SART3: variants seen among roughly 807,000 people sequenced by gnomAD.
SART3 encodes HIV-1 Tat-interacting protein of 110kDa.
A neutral mutation model predicts 122.3 loss-of-function variants in SART3; 44 were observed. The observed-to-expected ratio is 0.36, with a 90% CI of 0.28 to 0.46. SART3 has a LOEUF of 0.46. Ranked by LOEUF, SART3 falls within the 20% of genes least tolerant of loss-of-function variation. The probability of loss-of-function intolerance (pLI) is 1.00; values close to 1 mark genes in which losing one functional copy is unlikely to be tolerated. For synonymous variants in SART3, 442 were observed against 454.0 expected (o/e 0.97, Z 0.34); for missense variants, 1,101 against 1,229.0 (o/e 0.90, Z 1.56).
At chr12:108,550,115 T>G (rs1453606360) in intron 1 of SART3, among the ~76,000 whole-genome samples, 1 of 152,134 alleles carries the variant, frequency 6.6e-6, no homozygotes, top group Non-Finnish European at 1.5e-5. Context: ...ACATAAAGTT[T>G]TATTTGTACA....
At chr12:108,537,695 G>C in intron 8 of SART3, 100 bp from the exon 9 acceptor site, 1 of 869,824 alleles carries the variant, frequency 1.1e-6, no homozygotes, top group Non-Finnish European at 1.9e-6. Context: ...TGACTTTAAA[G>C]ACTAATAGAT....
At chr12:108,531,070 A>C in intron 14 of SART3, 134 bp downstream of exon 14, 1 of 690,030 alleles carries the variant, frequency 1.4e-6, no homozygotes, top group Non-Finnish European at 2.6e-6. Context: ...TTAAGCATTG[A>C]TCTAAATATT....
intron 14 of SART3, 51 bp downstream of exon 14, chr12:108,531,153 T>G: frequency 2.1e-6 from 3 of 1,454,854 alleles, no homozygotes; most frequent in Non-Finnish European, 2.9e-6. Context: ...CATACCAAAC[T>G]GAGCCAAAAT....
intron 15 of SART3, 130 bp from the exon 16 acceptor site, chr12:108,526,683 G>C: frequency 2.1e-6 from 2 of 966,622 alleles, no homozygotes; most frequent in South Asian, 2.7e-5. Flanking sequence ...GACTCGGAGG[G>C]GCAAGCACCA....
intron 15 of SART3, among the ~76,000 whole-genome samples, chr12:108,527,766 T>G (rs1217441445): frequency 6.6e-6 from 1 of 152,202 alleles, no homozygotes; most frequent in Non-Finnish European, 1.5e-5. Context: ...ATTCTTTTTT[T>G]TGTTTTGTTT....
At chr12:108,535,509 T>C (rs765426227) in intron 11 of SART3, 41 bp from the exon 12 acceptor site, 90 of 1,488,718 alleles carry the variant, frequency 6.0e-5, no homozygotes, top group Non-Finnish European at 7.3e-5. Context: ...CTGAACCTTA[T>C]GACGTCGACA....
chr12:108,527,650 T>C (rs1380948493), intron 15 of SART3, among the ~76,000 whole-genome samples: 2 of 152,206 alleles, frequency 1.3e-5, no homozygotes, highest in Non-Finnish European at 2.9e-5. Context: ...CCAAACAAGG[T>C]GTGCAAGCAA....
Position 108,537,844 on chromosome 12 carries a change from CACT to C in SART3, c.1201+218_1201+220del, listed in dbSNP as rs571300106. 24 of 690,130 alleles carry C rather than the reference CACT, an allele frequency of 3.5e-5. No individual in the cohort carries two copies. In the East Asian group the frequency reaches 5.7e-4, roughly 16 times the overall value. The allele number at this position is 690,130 out of a possible 1,614,324, so 42.8% of individuals were successfully genotyped here. ...CCAGATCAAGGAAGTTTGGAGAAAA[CACT>C]ACAACTTCTTAGAAAATACAATGAA... is the stretch of plus-strand genomic sequence containing the variant. On this transcript the variant is annotated intron_variant, in intron 8 of 18. Transcript: ENST00000546815.
Position 108,538,928 on chromosome 12 carries a change from T to C in SART3, c.1062+6A>G. ...AAATAAAATGAAATTAGAACAGTGA[T>C]CTTACTAGGTACTGACTGTAACGGA... On this transcript the variant is annotated splice_donor_region_variant and intron_variant, in intron 7 of 18. Coordinates refer to ENST00000546815, the MANE Select transcript of SART3 (RefSeq NM_014706.4). 1 of 1,614,156 alleles carries C rather than the reference T, an allele frequency of 6.2e-7. No homozygotes were observed. The highest frequency in any genetic ancestry group is 8.5e-7 in the Non-Finnish European group (1 of 1,180,014).
Position 108,534,697 on chromosome 12 carries a change from C to T in SART3, c.1556+662G>A, listed in dbSNP as rs1872830608. ...ACCTCCCCCGAAAAAAGAAAAGAAA[C>T]TGTCGCTTTCTATCACATATTTTTG... is the stretch of plus-strand genomic sequence containing the variant. On this transcript the variant is annotated intron_variant, in intron 12 of 18. Transcript: ENST00000546815. Among the ~76,000 whole-genome samples the T allele has an allele frequency of 3.3e-5, 5 of 152,192 alleles. No individual in the cohort carries two copies. In the South Asian group the frequency reaches 1.0e-3, roughly 32 times the overall value.
chr12:108,543,197 T>G (rs1873246942), intron 5 of SART3, 45 bp from the exon 6 acceptor site: 3 of 1,610,162 alleles, frequency 1.9e-6, no homozygotes, highest in Non-Finnish European at 2.5e-6. Flanking sequence ...CCATTGGGCT[T>G]TATCAACCCA....
rs117321407 is a variant in SART3 at position 108,540,549 on chromosome 12, C to G, written c.907-1460G>C. ...GATGTAAATTATTCCCCAAATTGAT[C>G]TCCAGGTTCAATGCAATTCCAATTA... On this transcript the variant is annotated intron_variant, in intron 6 of 18. Transcript: ENST00000546815. Among the ~76,000 whole-genome samples the G allele has an allele frequency of 5.3e-3, 787 of 147,204 alleles. 4 individuals are homozygous for G. The highest frequency in any genetic ancestry group is 0.021 in the Middle Eastern group (6 of 292).
At chr12:108,535,694 G>A in intron 11 of SART3, 1 of 554,366 alleles carries the variant, frequency 1.8e-6, no homozygotes, top group South Asian at 1.8e-5. Context: ...TGAGAACCGA[G>A]AGAGGGAGCG....
intron 2 of SART3, among the ~76,000 whole-genome samples, chr12:108,548,502 A>T (rs1873537299): frequency 6.6e-6 from 1 of 151,954 alleles, no homozygotes; most frequent in African/African-American, 2.4e-5. Context: ...AGGTCACCTG[A>T]CTCCAGCATC....
chr12:108,533,494 G>A (rs1204791424), intron 12 of SART3, among the ~76,000 whole-genome samples: 3 of 151,562 alleles, frequency 2.0e-5, no homozygotes, highest in Non-Finnish European at 2.9e-5. Context: ...GACAAACCAC[G>A]GTCAGTTACT....
At chr12:108,555,011 T>C (rs1355276013) in intron 1 of SART3, among the ~76,000 whole-genome samples, 1 of 152,158 alleles carries the variant, frequency 6.6e-6, no homozygotes, top group Non-Finnish European at 1.5e-5. Flanking sequence ...AAGTATCTAG[T>C]CAAATTCATA....
At chr12:108,524,250 C>A (rs1248515258) in intron 18 of SART3, 66 bp downstream of exon 18, 1 of 1,317,018 alleles carries the variant, frequency 7.6e-7, no homozygotes, top group Non-Finnish European at 1.1e-6. Flanking sequence ...GGTTAATCCC[C>A]CCGTGATCCA....
Position 108,547,951 on chromosome 12 carries a change from G to A in SART3, c.480C>T (p.Ala160=). 2 of 1,613,620 alleles carry A rather than the reference G, an allele frequency of 1.2e-6. No individual in the cohort carries two copies. Among genetic ancestry groups the A allele is most frequent in the Non-Finnish European group, 1.7e-6 (2 of 1,179,988 alleles). Residue 160 remains alanine (A), a synonymous_variant, in exon 3 of 19, where the codon GCC becomes GCT. Transcript: ENST00000546815. ...CGTGCTCTCTGTCCAGGCCATCCTGGGCCATGCTGATCTCGTCATGCAGCC... is the reference window on the plus strand; with the variant it reads ...CGTGCTCTCTGTCCAGGCCATCCTGAGCCATGCTGATCTCGTCATGCAGCC... The part of the protein sequence containing the change: ...LEWLHDEISM[A]QDGLDREHVY...
chr12:108,558,502 G>A, intron 1 of SART3, among the ~76,000 whole-genome samples: 1 of 152,206 alleles, frequency 6.6e-6, no homozygotes, highest in East Asian at 1.9e-4. Flanking sequence ...AGTGGCCAGA[G>A]ACCTCTGCTC....
Sources: allele counts gnomAD v4.1 joint callset (sites outside exome capture counted in the v4.1 genomes callset), GRCh38; gene constraint gnomAD v4.1.1; transcripts MANE v1.5; gene names NCBI Gene and HGNC (gene_info 2026-07-23, HGNC 2026-07-21).